The following ARHGEF33 variants were observed in gnomAD, a reference collection of about 807,000 sequenced individuals.
The protein encoded by ARHGEF33 is Rho guanine nucleotide exchange factor 33, also known as DH and coiled-coil domain-containing protein ENSP00000381780.
A neutral mutation model predicts 101.9 loss-of-function variants in ARHGEF33; 72 were observed. The observed-to-expected ratio is 0.71, with a 90% CI of 0.58 to 0.86. The LOEUF (loss-of-function observed/expected upper bound fraction) is 0.86, where lower values mean the gene tolerates loss of function less well. Among genes scored for constraint, ARHGEF33 ranks in the 40% least tolerant of loss-of-function variants. The probability of loss-of-function intolerance (pLI) is 0.00; values close to 1 mark genes in which losing one functional copy is unlikely to be tolerated. For synonymous variants in ARHGEF33, 499 were observed against 442.5 expected (o/e 1.13, Z -1.60); for missense variants, 1,169 against 1,111.3 (o/e 1.05, Z -0.74).
chr2:38,949,783 C>G (rs1056073288), intron 10 of ARHGEF33, among the ~76,000 whole-genome samples: 1 of 152,212 alleles, frequency 6.6e-6, no homozygotes, highest in African/African-American at 2.4e-5. Flanking sequence ...ATGCTGGCAT[C>G]TGCTCAGCCT....
At chr2:38,929,509 A>G (rs1157139149) in intron 5 of ARHGEF33, among the ~76,000 whole-genome samples, 200 bp from the exon 6 acceptor site, 1 of 151,992 alleles carries the variant, frequency 6.6e-6, no homozygotes, top group Non-Finnish European at 1.5e-5. Context: ...CATAGTTATC[A>G]TGGAAAAATA....
rs1292261241 is a variant in ARHGEF33 at position 38,975,028 on chromosome 2, C to G, written c.*1185C>G. 1.3e-5 allele frequency: 2 copies of G among 152,116 alleles called. No individual in the cohort carries two copies. Among genetic ancestry groups the G allele is most frequent in the African/African-American group, 4.8e-5 (2 of 41,424 alleles). 9.4% of individuals were successfully genotyped at this position (152,116 alleles called of 1,614,324 possible). A position where few individuals can be genotyped will look rare whatever the true frequency, so the allele number is the denominator to read the frequency against. ...TAAACAATTTGTCTTTATTCCCAGG[C>G]AGTTCGGTATAGTAAATTAGGGGTA... On this transcript the variant is annotated 3_prime_UTR_variant, in exon 18 of 18. Transcript: ENST00000409978.
intron 16 of ARHGEF33, among the ~76,000 whole-genome samples, chr2:38,963,934 C>T (rs777428707): frequency 6.6e-5 from 10 of 152,142 alleles, no homozygotes; most frequent in East Asian, 3.9e-4. Flanking sequence ...GATTCAAGTG[C>T]GTTACAATTT....
chr2:38,901,205 C>T (rs577131138), intron 2 of ARHGEF33, among the ~76,000 whole-genome samples: 1 of 152,322 alleles, frequency 6.6e-6, no homozygotes, highest in East Asian at 1.9e-4. Context: ...CAGAAAGAAG[C>T]ATTCTTTCAA....
chr2:38,929,191 G>A (rs1334635555), intron 5 of ARHGEF33, 120 bp downstream of exon 5: 15 of 661,946 alleles, frequency 2.3e-5, no homozygotes, highest in Non-Finnish European at 3.7e-5. Flanking sequence ...AGCACTTTGG[G>A]AGGCCGAGGC....
At position 38,944,655 on chromosome 2, in the gene ARHGEF33, C is replaced by G. The variant is rs115901879; in HGVS notation, c.920+625C>G. Among the ~76,000 whole-genome samples the G allele has an allele frequency of 6.9e-3, 1,050 of 152,190 alleles. 19 individuals carry two copies. The highest frequency in any genetic ancestry group is 0.063 in the East Asian group (327 of 5,178). On this transcript the variant is annotated intron_variant, in intron 10 of 17. Transcript: ENST00000409978. The stretch of plus-strand genomic sequence containing the variant: ...GGGTCTCTAACATGTCTTTTAAAAA[C>G]TTAAAGGGGGAACAAATGCTACAGT...
intron 16 of ARHGEF33, among the ~76,000 whole-genome samples, chr2:38,964,468 C>A (rs1312028799): frequency 6.6e-6 from 1 of 151,662 alleles, no homozygotes; most frequent in African/African-American, 2.4e-5. Flanking sequence ...TAATGTTAAT[C>A]TGTATTTGCA....
rs1667486701 is a variant in ARHGEF33, at chr2:38,947,672, T to C, written c.921-3317T>C. Reference sequence around the variant, plus strand: ...GTTGGAGTTCTGGGCTTTTTGGCTCTGACTCACCTAGGTAGAGCCACAGCC... The same window carrying C: ...GTTGGAGTTCTGGGCTTTTTGGCTCCGACTCACCTAGGTAGAGCCACAGCC... On this transcript the variant is annotated intron_variant, in intron 10 of 17. Transcript: ENST00000409978. Among the ~76,000 whole-genome samples, 3 of 152,228 alleles carry C rather than the reference T, an allele frequency of 2.0e-5. No individual in the cohort carries two copies. In the South Asian group the frequency reaches 6.2e-4, roughly 32 times the overall value.
chr2:38,959,892 G>C lies in ARHGEF33; in HGVS notation c.1587G>C (p.Glu529Asp), dbSNP rs768699856. ...KKSQQQQSLM[E>D]SMQPGKPSDW... ...GCCAACAGCAGCAAAGCCTGATGGA[G>C]AGCATGCAGCCCGGGAAGCCCAGTG... Residue 529 changes from glutamate to aspartate, a missense_variant, in exon 16 of 18, where the codon GAG (glutamate) becomes GAC (aspartate). Coordinates refer to ENST00000409978, the MANE Select transcript of ARHGEF33 (RefSeq NM_001145451.5). 1.7e-5 allele frequency: 27 copies of C among 1,551,882 alleles called. No individual in the cohort carries two copies. Among genetic ancestry groups the C allele is most frequent in the Non-Finnish European group, 2.4e-5 (27 of 1,146,918 alleles).
rs554964779 is a variant in ARHGEF33 at position 38,908,988 on chromosome 2, G to C, written c.-85-10375G>C. Among the ~76,000 whole-genome samples, 4 of 152,338 alleles carry C rather than the reference G, an allele frequency of 2.6e-5. No individual in the cohort carries two copies. The South Asian group carries it at 6.2e-4, about 24-fold the overall frequency. The stretch of plus-strand genomic sequence containing the variant: ...GTTTCACTGGTAGTCTGCTGCATGA[G>C]AATTCAGGTCACTTCCATAAATATT... On this transcript the variant is annotated intron_variant, in intron 2 of 17. Transcript: ENST00000409978.
At chr2:38,915,402 T>G (rs1470715749) in intron 2 of ARHGEF33, among the ~76,000 whole-genome samples, 29 of 119,450 alleles carry the variant, frequency 2.4e-4, no homozygotes, top group Non-Finnish European at 4.5e-4. Flanking sequence ...TTTTTTTTTT[T>G]GAGACAGAAT....
At position 38,960,554 on chromosome 2, in the gene ARHGEF33, C is replaced by T. The variant is rs1159014710; in HGVS notation, c.2249C>T (p.Ala750Val). The T allele has an allele frequency of 6.3e-6, 8 of 1,263,570 alleles. No individual in the cohort carries two copies. Among genetic ancestry groups the T allele is most frequent in the South Asian group, 2.0e-5 (1 of 49,806 alleles). The allele number at this position is 1,263,570 out of a possible 1,614,324, so 78.3% of individuals were successfully genotyped here. A position where few individuals can be genotyped will look rare whatever the true frequency, so the allele number is the denominator to read the frequency against. The change falls in exon 16 of 18, where the codon GCC (alanine) becomes GTC (valine). Residue 750 changes from alanine to valine, a missense_variant. Coordinates refer to ENST00000409978, the MANE Select transcript of ARHGEF33 (RefSeq NM_001145451.5). ...CGCGCCGCGCAGGCGCACGGCCCGG[C>T]CGCCGCCGCCGTCGCCGCCCGCGGC... ...AERAAQAHGP[A>V]AAAVAARGAS...
intron 4 of ARHGEF33, among the ~76,000 whole-genome samples, chr2:38,922,833 C>A (rs539877590): frequency 2.6e-5 from 4 of 152,136 alleles, no homozygotes; most frequent in Non-Finnish European, 5.9e-5. Flanking sequence ...TACTTAAGGA[C>A]AAGTTGATCA....
rs150333734 is a variant in ARHGEF33 at position 38,892,920 on chromosome 2, TTCCTC to T, written c.-158-2855_-158-2851del. ...TCACTGGCCTCTTTGCAGCTGCTCTTTCCTCTACAGTGCCACTAAGTCATCTTCTT... is the reference window on the plus strand; with the variant it reads ...TCACTGGCCTCTTTGCAGCTGCTCTTTACAGTGCCACTAAGTCATCTTCTT... On this transcript the variant is annotated intron_variant, in intron 1 of 17. Transcript: ENST00000409978. Among the ~76,000 whole-genome samples the T allele has an allele frequency of 3.0e-4, 46 of 152,320 alleles. No homozygotes were observed. In the East Asian group the frequency reaches 8.9e-3, roughly 29 times the overall value.
chr2:38,927,953 T>G (rs114641265), intron 4 of ARHGEF33, among the ~76,000 whole-genome samples: 1 of 152,206 alleles, frequency 6.6e-6, no homozygotes, highest in African/African-American at 2.4e-5. Flanking sequence ...TGTTTGTGCT[T>G]AACTTTTTGA....
Position 38,973,918 on chromosome 2 carries a change from A to G in ARHGEF33, c.*75A>G. The stretch of plus-strand genomic sequence containing the variant: ...TGTATATATCTGTGTAGGAATATAT[A>G]TATATATCTATATCTATATATATAT... On this transcript the variant is annotated 3_prime_UTR_variant, in exon 18 of 18. Coordinates refer to ENST00000409978, the MANE Select transcript of ARHGEF33 (RefSeq NM_001145451.5). 3.1e-6 allele frequency: 3 copies of G among 970,890 alleles called. No homozygotes were observed. The highest frequency in any genetic ancestry group is 4.0e-6 in the Non-Finnish European group (3 of 752,146). 60.1% of individuals were successfully genotyped at this position (970,890 alleles called of 1,614,324 possible). A position where few individuals can be genotyped will look rare whatever the true frequency, so the allele number is the denominator to read the frequency against.
chr2:38,890,491 A>G (rs748521144), intron 1 of ARHGEF33, among the ~76,000 whole-genome samples: 8 of 152,232 alleles, frequency 5.3e-5, no homozygotes, highest in Non-Finnish European at 7.3e-5. Context: ...CTGATTGAAA[A>G]TGTGTACTGA....
intron 15 of ARHGEF33, among the ~76,000 whole-genome samples, 152 bp downstream of exon 15, chr2:38,958,350 C>T (rs909570903): frequency 6.6e-6 from 1 of 152,218 alleles, no homozygotes; most frequent in African/African-American, 2.4e-5. Context: ...TCTTGGGTCC[C>T]AGAGGAAGGC....
At chr2:38,923,834 A>G (rs1666811387) in intron 4 of ARHGEF33, among the ~76,000 whole-genome samples, 1 of 152,216 alleles carries the variant, frequency 6.6e-6, no homozygotes, top group Non-Finnish European at 1.5e-5. Flanking sequence ...AAAGGTTTAC[A>G]TATAAAAAAA....
Sources: gnomAD v4.1 joint callset for allele counts (sites outside exome capture counted in the v4.1 genomes callset) on GRCh38, gnomAD v4.1.1 for gene constraint, MANE v1.5 for transcripts, NCBI Gene and HGNC (gene_info 2026-07-23, HGNC 2026-07-21) for gene names.